The following UNC93A variants were observed in gnomAD, a reference collection of about 807,000 sequenced individuals.
The protein encoded by UNC93A is unc-93 homolog A, also known as N-acetylglucosamine transporter UNC93A.
Under a neutral mutation model 47.5 loss-of-function variants are expected in UNC93A, and 43 were observed. The ratio of observed to expected loss-of-function variants is 0.91; its 90% CI spans 0.71 to 1.17. The LOEUF is 1.17. Ranked by LOEUF, UNC93A falls within the 50% of genes most tolerant of loss-of-function variation. UNC93A has a pLI of 0.00. For synonymous variants in UNC93A, 280 were observed against 258.0 expected (o/e 1.09, Z -0.82); for missense variants, 605 against 577.6 (o/e 1.05, Z -0.49).
chr6:167,288,134 G>A (rs958403628), upstream of UNC93A, among the ~76,000 whole-genome samples: 2 of 152,178 alleles, frequency 1.3e-5, no homozygotes, highest in African/African-American at 4.8e-5. Context: ...GAGGATGGGA[G>A]TATTTCCAGC....
intron 7 of UNC93A, among the ~76,000 whole-genome samples, chr6:167,313,506 G>C (rs60733116): frequency 0.015 from 2,279 of 152,164 alleles, 53 homozygotes; most frequent in African/African-American, 0.047. Flanking sequence ...GAGATGGTGG[G>C]GGGGCTGGGG....
intron 1 of UNC93A, among the ~76,000 whole-genome samples, chr6:167,284,713 T>TA (rs1449266095): frequency 1.3e-5 from 2 of 152,284 alleles, no homozygotes; most frequent in African/African-American, 4.8e-5. Flanking sequence ...GTCTTGCCTG[T>TA]AGTGCCCACA....
intron 6 of UNC93A, among the ~76,000 whole-genome samples, chr6:167,307,436 G>T (rs1778429600): frequency 6.6e-6 from 1 of 152,216 alleles, no homozygotes; most frequent in South Asian, 2.1e-4. Flanking sequence ...GGTTGAGATG[G>T]TTGAGACAGT....
At chr6:167,270,874 T>C (rs1317489940), upstream of UNC93A, among the ~76,000 whole-genome samples, 1 of 152,182 alleles carries the variant, frequency 6.6e-6, no homozygotes, top group East Asian at 1.9e-4. Flanking sequence ...GGGTGCAGAC[T>C]CCCGGCCTCC....
intron 1 of UNC93A, among the ~76,000 whole-genome samples, chr6:167,275,515 G>A (rs977088130): frequency 9.2e-5 from 14 of 152,196 alleles, no homozygotes; most frequent in African/African-American, 3.4e-4. Context: ...AGTCAGCGGG[G>A]GGATCTTCCA....
At position 167,314,619 on chromosome 6, in the gene UNC93A, C is replaced by T. The variant is rs118191057; in HGVS notation, c.1109-568C>T. 9.4e-3 allele frequency among the ~76,000 whole-genome samples: 1,435 copies of T among 152,328 alleles called. 14 individuals are homozygous for T. The highest frequency in any genetic ancestry group is 0.015 in the Non-Finnish European group (995 of 68,038). On this transcript the variant is annotated intron_variant, in intron 7 of 7. Coordinates refer to ENST00000230256, the MANE Select transcript of UNC93A (RefSeq NM_018974.4). Reference sequence around the variant, plus strand: ...CTAGCTGGGAACTGCTTAGCACCAACGTGCCTCCCGTTCTATTCAAAGTCA... The same window carrying T: ...CTAGCTGGGAACTGCTTAGCACCAATGTGCCTCCCGTTCTATTCAAAGTCA...
At chr6:167,276,356 A>T (rs1282167277) in intron 1 of UNC93A, among the ~76,000 whole-genome samples, 2 of 152,102 alleles carry the variant, frequency 1.3e-5, no homozygotes, top group Non-Finnish European at 2.9e-5. Context: ...TTCCCTCTGG[A>T]TGAACACCCA....
upstream of UNC93A, among the ~76,000 whole-genome samples, chr6:167,287,850 C>T (rs1783768162): frequency 6.6e-6 from 1 of 152,168 alleles, no homozygotes; most frequent in Non-Finnish European, 1.5e-5. Context: ...CACTCGGGCT[C>T]ACCTAGCGTT....
At chr6:167,307,262 A>C (rs764439762) in intron 6 of UNC93A, among the ~76,000 whole-genome samples, 2 of 152,206 alleles carry the variant, frequency 1.3e-5, no homozygotes, top group Non-Finnish European at 2.9e-5. Context: ...CGGGTCACGC[A>C]GCAGGTGTAT....
chr6:167,311,686 T>C (rs1232000995), intron 7 of UNC93A, among the ~76,000 whole-genome samples: 1 of 152,266 alleles, frequency 6.6e-6, no homozygotes. Context: ...CTGGGCCACC[T>C]GGGAAGAGGA....
At chr6:167,278,118 G>T (rs527482194) in intron 1 of UNC93A, among the ~76,000 whole-genome samples, 3 of 152,318 alleles carry the variant, frequency 2.0e-5, no homozygotes, top group Admixed American at 6.5e-5. Context: ...TTCCCGAGGG[G>T]TCCTGTCAGG....
At chr6:167,298,630 C>G (rs1028823279) in intron 4 of UNC93A, among the ~76,000 whole-genome samples, 1 of 151,734 alleles carries the variant, frequency 6.6e-6, no homozygotes, top group Non-Finnish European at 1.5e-5. Context: ...ACGTTGCAAG[C>G]TCATGGTGAA....
chr6:167,300,481 C>T (rs76495424), intron 4 of UNC93A, among the ~76,000 whole-genome samples: 110 of 152,110 alleles, frequency 7.2e-4, no homozygotes, highest in East Asian at 5.6e-3. Context: ...GGAGGCTGGA[C>T]GAGGCTCTTA....
chr6:167,288,239 C>A (rs1051173703), upstream of UNC93A, among the ~76,000 whole-genome samples: 11 of 152,168 alleles, frequency 7.2e-5, no homozygotes, highest in African/African-American at 2.7e-4. Context: ...CAACTGGCCC[C>A]AAAGCTTTTT....
intron 1 of UNC93A, 94 bp downstream of exon 1, chr6:167,291,670 T>G (rs1718162374): frequency 1.7e-6 from 2 of 1,178,622 alleles, no homozygotes; most frequent in Non-Finnish European, 2.4e-6. Context: ...TTGAAAAATC[T>G]AATTCACCTG....
intron 1 of UNC93A, among the ~76,000 whole-genome samples, chr6:167,293,492 C>T (rs78969709): frequency 3.9e-5 from 6 of 152,120 alleles, no homozygotes; most frequent in Non-Finnish European, 8.8e-5. Flanking sequence ...TCAGGACTGG[C>T]ATGGGCAACA....
intron 1 of UNC93A, among the ~76,000 whole-genome samples, chr6:167,292,978 A>C (rs1255746810): frequency 6.6e-6 from 1 of 152,096 alleles, no homozygotes; most frequent in Non-Finnish European, 1.5e-5. Context: ...TGGCTCAGCC[A>C]CTGTCTGAAA....
intron 2 of UNC93A, among the ~76,000 whole-genome samples, chr6:167,295,565 C>G (rs1182298496): frequency 1.7e-4 from 15 of 85,768 alleles, no homozygotes; most frequent in South Asian, 8.1e-4. Context: ...CTCCTCGCCT[C>G]CCTCGTGATC....
At position 167,296,205 on chromosome 6, in the gene UNC93A, C is replaced by T. The variant is rs375521373; in HGVS notation, c.443C>T (p.Ser148Phe). ...FGIFFLIFQSSGVWGNLISSL... is the reference protein window; with the variant it reads ...FGIFFLIFQSFGVWGNLISSL... ...ATCTTCTTCCTCATATTCCAGTCAT[C>T]CGGTGTGTGGGGCAACTTGATCTCA... Residue 148 changes from serine to phenylalanine, a missense_variant, in exon 3 of 8, where the codon TCC becomes TTC. Transcript: ENST00000230256. 8.7e-6 allele frequency: 14 copies of T among 1,614,196 alleles called. No individual in the cohort carries two copies. The South Asian group carries it at 1.2e-4, about 14-fold the overall frequency.
Sources: allele counts gnomAD v4.1 joint callset (sites outside exome capture counted in the v4.1 genomes callset), GRCh38; gene constraint gnomAD v4.1.1; transcripts MANE v1.5; gene names NCBI Gene and HGNC (gene_info 2026-07-23, HGNC 2026-07-21).